EPHA6: variants seen among roughly 807,000 people sequenced by gnomAD.
The protein encoded by EPHA6 is EPH receptor A6.
In EPHA6, 50 loss-of-function variants were observed where a neutral mutation model predicts 112.0. The ratio of observed to expected loss-of-function variants is 0.45; its 90% confidence interval spans 0.36 to 0.56. The LOEUF is 0.56. EPHA6 is among the 20% of genes least tolerant of loss of function. The probability of loss-of-function intolerance (pLI) is 0.00; values close to 1 mark genes in which losing one functional copy is unlikely to be tolerated. For synonymous variants in EPHA6, 529 were observed against 490.7 expected (o/e 1.08, Z -1.03); for missense variants, 1,280 against 1,417.4 (o/e 0.90, Z 1.56).
intron 5 of EPHA6, among the ~76,000 whole-genome samples, chr3:97,381,957 T>C (rs1477699899): frequency 6.6e-6 from 1 of 152,130 alleles, no homozygotes; most frequent in Non-Finnish European, 1.5e-5. Context: ...AAATTATGAA[T>C]TACTTTATTG....
chr3:96,898,983 G>A (rs543147756), intron 2 of EPHA6, among the ~76,000 whole-genome samples: 4 of 150,232 alleles, frequency 2.7e-5, no homozygotes, highest in East Asian at 3.9e-4. Context: ...AGTTGAGATC[G>A]CGCCACTGCA....
At chr3:97,319,898 A>G (rs1192060949) in intron 5 of EPHA6, among the ~76,000 whole-genome samples, 4 of 152,020 alleles carry the variant, frequency 2.6e-5, no homozygotes, top group African/African-American at 7.3e-5. Context: ...TCATAACTGT[A>G]GGGGTAGTTT....
At chr3:97,011,141 A>G (rs1473294453) in intron 3 of EPHA6, among the ~76,000 whole-genome samples, 2 of 152,150 alleles carry the variant, frequency 1.3e-5, no homozygotes, top group Non-Finnish European at 2.9e-5. Context: ...ACACCTTGGG[A>G]GATGGCCAGA....
intron 5 of EPHA6, among the ~76,000 whole-genome samples, chr3:97,333,147 A>G (rs2082881499): frequency 6.6e-6 from 1 of 152,008 alleles, no homozygotes; most frequent in Admixed American, 6.6e-5. Flanking sequence ...TATTATCAAC[A>G]TTTTATAATT....
At chr3:97,659,519 C>G (rs1413621655) in intron 14 of EPHA6, among the ~76,000 whole-genome samples, 2 of 151,880 alleles carry the variant, frequency 1.3e-5, no homozygotes, top group African/African-American at 4.8e-5. Context: ...GGTTCAGTAG[C>G]TTGTATCAAA....
chr3:96,847,462 T>C (rs1038906368), intron 1 of EPHA6, among the ~76,000 whole-genome samples: 11 of 152,110 alleles, frequency 7.2e-5, no homozygotes, highest in African/African-American at 2.7e-4. Context: ...TCAAGCCATA[T>C]TTTAATGTTT....
intron 2 of EPHA6, among the ~76,000 whole-genome samples, chr3:96,953,449 A>G (rs1190633283): frequency 6.6e-6 from 1 of 152,200 alleles, no homozygotes; most frequent in Non-Finnish European, 1.5e-5. Flanking sequence ...CAAATAGTAC[A>G]TTGTAGCACA....
At chr3:97,017,920 C>G (rs1387231498) in intron 3 of EPHA6, among the ~76,000 whole-genome samples, 2 of 150,604 alleles carry the variant, frequency 1.3e-5, no homozygotes, top group African/African-American at 4.9e-5. Flanking sequence ...GCAAGTAACT[C>G]TTAGATTTAT....
At chr3:97,529,312 C>G (rs145693353) in intron 10 of EPHA6, among the ~76,000 whole-genome samples, 3 of 152,132 alleles carry the variant, frequency 2.0e-5, no homozygotes, top group African/African-American at 7.2e-5. Context: ...TGGGATAATA[C>G]TAGTACCTAC....
chr3:97,274,613 T>G (rs2080004910), intron 5 of EPHA6, among the ~76,000 whole-genome samples: 1 of 152,078 alleles, frequency 6.6e-6, no homozygotes, highest in Non-Finnish European at 1.5e-5. Flanking sequence ...TTCAGCTTGT[T>G]GAGAGGTAGT....
chr3:97,672,014 C>T (rs1357168280), intron 14 of EPHA6, among the ~76,000 whole-genome samples: 3 of 152,118 alleles, frequency 2.0e-5, no homozygotes, highest in Admixed American at 6.6e-5. Flanking sequence ...TCCTGGATTG[C>T]GCAGTCCATC....
chr3:97,121,956 T>C (rs534236449), intron 3 of EPHA6, among the ~76,000 whole-genome samples: 23 of 152,184 alleles, frequency 1.5e-4, no homozygotes, highest in African/African-American at 5.5e-4. Context: ...TCACATTATT[T>C]TCTACACATT....
At chr3:97,025,319 G>C (rs1046459099) in intron 3 of EPHA6, among the ~76,000 whole-genome samples, 5 of 152,130 alleles carry the variant, frequency 3.3e-5, no homozygotes. Context: ...GAGAGAGAAT[G>C]AGTAAATAGG....
In EPHA6 at chr3:96,831,846, A is replaced by G. The variant is rs184814487; in HGVS notation, c.385+16838A>G. ...AATATCTTAGAAAACAACTTTAGAA[A>G]ATGATTGCCATCAACCAGTGCAACA... is the stretch of plus-strand genomic sequence containing the variant. On this transcript the variant is annotated intron_variant, in intron 1 of 17. Coordinates refer to ENST00000389672, the MANE Select transcript of EPHA6 (RefSeq NM_001080448.3). Among the ~76,000 whole-genome samples, 20 of 152,176 alleles carry G rather than the reference A, an allele frequency of 1.3e-4. 1 individual carries two copies. In the East Asian group the frequency reaches 1.7e-3, roughly 13 times the overall value.
chr3:97,399,789 T>C (rs1364461744), intron 5 of EPHA6, among the ~76,000 whole-genome samples: 1 of 151,600 alleles, frequency 6.6e-6, no homozygotes, highest in Non-Finnish European at 1.5e-5. Flanking sequence ...TATTTGTTTT[T>C]TGTTGTTGTT....
At chr3:97,023,729 A>C (rs2044542740) in intron 3 of EPHA6, among the ~76,000 whole-genome samples, 1 of 152,080 alleles carries the variant, frequency 6.6e-6, no homozygotes, top group African/African-American at 2.4e-5. Context: ...TTTAGATTTA[A>C]AATCCTCCAA....
At chr3:97,334,478 CTTTT>C (rs1354125066) in intron 5 of EPHA6, among the ~76,000 whole-genome samples, 3 of 128,060 alleles carry the variant, frequency 2.3e-5, no homozygotes, top group Non-Finnish European at 1.7e-5. Context: ...TTTTTTTCTT[CTTTT>C]TTTTTTTTTT....
chr3:97,329,298 G>A (rs1273021602), intron 5 of EPHA6, among the ~76,000 whole-genome samples: 1 of 151,392 alleles, frequency 6.6e-6, no homozygotes, highest in African/African-American at 2.4e-5. Context: ...TGTCTTTATA[G>A]CAGCATGATT....
chr3:97,685,614 T>G (rs1299407354), intron 14 of EPHA6, among the ~76,000 whole-genome samples: 1 of 152,154 alleles, frequency 6.6e-6, no homozygotes, highest in African/African-American at 2.4e-5. Context: ...AATAGCACAC[T>G]GACTCTTAAA....
Sources: gnomAD v4.1 joint callset for allele counts (sites outside exome capture counted in the v4.1 genomes callset) on GRCh38, gnomAD v4.1.1 for gene constraint, MANE v1.5 for transcripts, NCBI Gene and HGNC (gene_info 2026-07-23, HGNC 2026-07-21) for gene names.